The following HLA-DQB1 variants were observed in gnomAD, a reference collection of about 807,000 sequenced individuals.
HLA-DQB1 encodes the protein HLA class II histocompatibility antigen, DQ beta 1 chain.
Under a neutral mutation model 26.4 loss-of-function variants are expected in HLA-DQB1, and 13 were observed. That is an observed-to-expected ratio of 0.49 (90% confidence interval 0.32 to 0.78). The LOEUF (loss-of-function observed/expected upper bound fraction) is 0.78, where lower values mean the gene tolerates loss of function less well. Ranked by LOEUF, HLA-DQB1 falls within the 30% of genes least tolerant of loss-of-function variation. HLA-DQB1 has a pLI of 0.03. For synonymous variants in HLA-DQB1, 60 were observed against 129.1 expected (o/e 0.46, Z 3.63); for missense variants, 158 against 326.2 (o/e 0.48, Z 3.97).
chr6:32,664,695 A>ACGGGG, intron 2 of HLA-DQB1, 103 bp downstream of exon 2: 1 of 408,786 alleles, frequency 2.4e-6, no homozygotes, highest in Admixed American at 7.2e-5. Flanking sequence ...GGTGGAATGA[A>ACGGGG]CTGGGCTCAG....
chr6:32,662,708 C>G (rs281863820), intron 2 of HLA-DQB1: 1 of 43,178 alleles, frequency 2.3e-5, no homozygotes, highest in African/African-American at 8.0e-5. Context: ...CACATCTCAT[C>G]CTTTCCTTTT....
chr6:32,660,953 G>T (rs1782921122), intron 4 of HLA-DQB1: 3 of 842,650 alleles, frequency 3.6e-6, no homozygotes, highest in Middle Eastern at 2.3e-4. Flanking sequence ...AAAGGAAAAT[G>T]ACACACATGA....
intron 4 of HLA-DQB1, chr6:32,660,767 G>A: frequency 1.4e-6 from 1 of 709,616 alleles, no homozygotes; most frequent in Non-Finnish European, 2.3e-6. Flanking sequence ...AATAGGCCAT[G>A]AACATGGACC....
At chr6:32,660,777 C>CACT in intron 4 of HLA-DQB1, 20 of 768,650 alleles carry the variant, frequency 2.6e-5, no homozygotes, top group Non-Finnish European at 4.2e-5. Context: ...GAACATGGAC[C>CACT]ACTGTGGTCA....
Position 32,661,809 on chromosome 6 carries a change from G to A in HLA-DQB1, c.661+158C>T, listed in dbSNP as rs9273843. ...GCATCTGGAAAGGTGATGAGACCAG[G>A]ATTCTTCTGATGCACTTGCCATGGA... On this transcript the variant is annotated intron_variant, in intron 3 of 4. Transcript: ENST00000434651. The A allele has an allele frequency of 6.3e-6, 4 of 638,092 alleles. No individual in the cohort carries two copies. The African/African-American group carries it at 7.3e-5, about 12-fold the overall frequency. The allele number at this position is 638,092 out of a possible 1,614,324, so 39.5% of individuals were successfully genotyped here. A position where few individuals can be genotyped will look rare whatever the true frequency, so the allele number is the denominator to read the frequency against.
chr6:32,663,598 A>C (rs66812757), intron 2 of HLA-DQB1: 27,121 of 149,682 alleles, frequency 0.18, 2,697 homozygotes, highest in South Asian at 0.23. Context: ...AGTGTTTATC[A>C]TGTACCAATA....
intron 1 of HLA-DQB1, among the ~76,000 whole-genome samples, chr6:32,665,568 C>A (rs28746820): frequency 0.025 from 2,217 of 90,002 alleles, 271 homozygotes; most frequent in South Asian, 0.25. Context: ...GATTTACCCT[C>A]CCAAGTCCCG....
exon 2 of HLA-DQB1, chr6:32,665,007 C>CCCA (rs1233639648): frequency 1.2e-5 from 17 of 1,379,360 alleles, no homozygotes; most frequent in Non-Finnish European, 1.0e-6. Context: ...GGTCACAAGA[C>CCCA]GCACGCGCTC....
chr6:32,664,658 A>ACCCCCC, intron 2 of HLA-DQB1, 140 bp downstream of exon 2: 1 of 163,998 alleles, frequency 6.1e-6, no homozygotes, highest in East Asian at 2.4e-4. Context: ...TGCCCCCACC[A>ACCCCCC]CCCCGCCGCC....
intron 1 of HLA-DQB1, 128 bp from the exon 2 acceptor site, chr6:32,665,195 C>A (rs281861945): frequency 1.8e-6 from 1 of 549,572 alleles, no homozygotes; most frequent in South Asian, 2.7e-5. Context: ...GTGCCTGGCG[C>A]TCCAGACCTG....
Position 32,665,322 on chromosome 6 carries a change from C to A in HLA-DQB1, c.110-255G>T, listed in dbSNP as rs9274434. ...CTGTCCCTGCCTGAGCCTGTGAACC[C>A]AGCGAAGAGGCAGTCGGGCTGATTT... On this transcript the variant is annotated intron_variant, in intron 1 of 4. Coordinates refer to ENST00000434651, the Ensembl canonical transcript of HLA-DQB1. 0.39 allele frequency among the ~76,000 whole-genome samples: 50,756 copies of A among 131,564 alleles called. 11,227 individuals carry two copies. The highest frequency in any genetic ancestry group is 0.57 in the Middle Eastern group (148 of 260). 86.3% of individuals were successfully genotyped at this position (131,564 alleles called of 152,430 possible).
chr6:32,662,323 G>T (rs9274066), intron 2 of HLA-DQB1, 75 bp from the exon 3 acceptor site: 2 of 681,004 alleles, frequency 2.9e-6, no homozygotes, highest in Non-Finnish European at 4.1e-6. Context: ...CATGAGGAAG[G>T]ATCCCTCCTT....
chr6:32,662,404 A>G (rs281864009), intron 2 of HLA-DQB1, 156 bp from the exon 3 acceptor site: 1 of 389,732 alleles, frequency 2.6e-6, no homozygotes, highest in Non-Finnish European at 4.4e-6. Context: ...TAAATTTGAC[A>G]ATCACTGAGA....
intron 1 of HLA-DQB1, among the ~76,000 whole-genome samples, chr6:32,666,004 C>T (rs28746830): frequency 0.18 from 22,186 of 121,762 alleles, 2,627 homozygotes; most frequent in East Asian, 0.32. Context: ...GTCAGCTTCC[C>T]TCAGCACCAA....
intron 1 of HLA-DQB1, 34 bp from the exon 2 acceptor site, chr6:32,665,101 C>CAGCCCGGCCCT: frequency 9.0e-7 from 1 of 1,113,578 alleles, no homozygotes; most frequent in East Asian, 2.9e-5. Context: ...AGTCAGGCCC[C>CAGCCCGGCCCT]AGCCCGGCCG....
intron 4 of HLA-DQB1, among the ~76,000 whole-genome samples, chr6:32,661,058 A>C (rs3020625): frequency 0.53 from 66,428 of 125,580 alleles, 19,592 homozygotes; most frequent in Middle Eastern, 0.71. Flanking sequence ...CACTAGAAAG[A>C]AAGGAAGCTG....
At chr6:32,660,914 C>G in intron 4 of HLA-DQB1, 1 of 1,484,122 alleles carries the variant, frequency 6.7e-7, no homozygotes, top group Non-Finnish European at 9.1e-7. Context: ...AGAAAGGTCT[C>G]ATTACACAAA....
At chr6:32,662,330 C>G (rs281864044) in intron 2 of HLA-DQB1, 82 bp from the exon 3 acceptor site, 1 of 614,994 alleles carries the variant, frequency 1.6e-6, no homozygotes, top group Non-Finnish European at 2.3e-6. Context: ...AAGGATCCCT[C>G]CTTGGACCAG....
chr6:32,659,795 G>GCCACA (rs1782810947), exon 5 of HLA-DQB1: 1 of 152,624 alleles, frequency 6.6e-6, no homozygotes, highest in Non-Finnish European at 1.4e-5. Flanking sequence ...CCTCCTTCTG[G>GCCACA]CCACAGGTTT....
Sources: allele counts gnomAD v4.1 joint callset (sites outside exome capture counted in the v4.1 genomes callset), GRCh38; gene constraint gnomAD v4.1.1; transcripts MANE v1.5; gene names NCBI Gene and HGNC (gene_info 2026-07-23, HGNC 2026-07-21).